Variants in ZNG1A observed in about 807,000 individuals in gnomAD.
The protein encoded by ZNG1A is zinc-regulated GTPase metalloprotein activator 1A.
the ZNG1A span, among the ~76,000 whole-genome samples, chr9:170,505 G>C: frequency 2.0e-4 from 30 of 150,944 alleles, 1 homozygote; most frequent in Admixed American, 1.6e-3. Context: ...TCCTGCCTTA[G>C]CCTCCTGAGT....
At chr9:163,980 T>C in the ZNG1A span, 1 of 1,595,638 alleles carries the variant, frequency 6.3e-7, no homozygotes, top group East Asian at 2.2e-5. Flanking sequence ...TAACTTACCA[T>C]CAAGATAAAT....
chr9:155,085 C>A, the ZNG1A span, among the ~76,000 whole-genome samples: 1 of 151,436 alleles, frequency 6.6e-6, no homozygotes, highest in Non-Finnish European at 1.5e-5. Context: ...TCTTGTGCTA[C>A]AAAGATAAGT....
At chr9:162,582 A>T in the ZNG1A span, 5 of 919,624 alleles carry the variant, frequency 5.4e-6, no homozygotes, top group African/African-American at 1.8e-5. Flanking sequence ...CACAAATACT[A>T]CTCAATAAAA....
the ZNG1A span, among the ~76,000 whole-genome samples, chr9:173,742 A>C: frequency 6.6e-6 from 1 of 151,992 alleles, no homozygotes; most frequent in East Asian, 1.9e-4. Flanking sequence ...ATGCCCTTCA[A>C]CCTCTTAAGA....
At chr9:146,176 A>C in the ZNG1A span, 1 of 1,578,502 alleles carries the variant, frequency 6.3e-7, no homozygotes, top group South Asian at 1.1e-5. Context: ...GAAGAAAACT[A>C]ACGTGAGCAG....
At chr9:158,511 A>G in the ZNG1A span, among the ~76,000 whole-genome samples, 2 of 150,486 alleles carry the variant, frequency 1.3e-5, no homozygotes, top group Admixed American at 6.6e-5. Flanking sequence ...CATAAAAATG[A>G]TATGACAGAA....
chr9:174,863 T>C, the ZNG1A span, among the ~76,000 whole-genome samples: 47 of 150,700 alleles, frequency 3.1e-4, no homozygotes, highest in African/African-American at 1.1e-3. Context: ...TGACTACAGT[T>C]TAATATTTCA....
the ZNG1A span, among the ~76,000 whole-genome samples, chr9:158,852 G>C: frequency 2.6e-5 from 4 of 152,044 alleles, no homozygotes; most frequent in Admixed American, 2.0e-4. Flanking sequence ...TAAAAAATAA[G>C]TGCATATTAA....
At chr9:159,093 T>G in the ZNG1A span, among the ~76,000 whole-genome samples, 5 of 150,346 alleles carry the variant, frequency 3.3e-5, no homozygotes, top group African/African-American at 1.2e-4. Flanking sequence ...GAAGAAAAAA[T>G]TTTTGCAAAA....
the ZNG1A span, among the ~76,000 whole-genome samples, chr9:158,666 C>T: frequency 1.3e-5 from 2 of 150,576 alleles, no homozygotes; most frequent in African/African-American, 2.5e-5. Flanking sequence ...GGTAGACTAA[C>T]GTTTTACTAC....
chr9:136,918 T>G, the ZNG1A span, among the ~76,000 whole-genome samples: 1 of 150,284 alleles, frequency 6.7e-6, no homozygotes. Flanking sequence ...GGTGCAAGCC[T>G]GTAGTCCCAG....
At chr9:141,960 G>C in the ZNG1A span, among the ~76,000 whole-genome samples, 1 of 149,800 alleles carries the variant, frequency 6.7e-6, no homozygotes, top group Non-Finnish European at 1.5e-5. Flanking sequence ...ATTACATAAT[G>C]GTAAAGGGAT....
At chr9:161,092 T>C in the ZNG1A span, among the ~76,000 whole-genome samples, 1 of 151,922 alleles carries the variant, frequency 6.6e-6, no homozygotes, top group Non-Finnish European at 1.5e-5. Context: ...TGAAGAGGTA[T>C]TGGTAGCTAT....
At chr9:175,189 C>T in the ZNG1A span, among the ~76,000 whole-genome samples, 2 of 152,138 alleles carry the variant, frequency 1.3e-5, no homozygotes, top group African/African-American at 2.4e-5. Context: ...ACCATCCTGG[C>T]CAACATGGCG....
At chr9:172,400 T>G in the ZNG1A span, 1 of 434,780 alleles carries the variant, frequency 2.3e-6, no homozygotes, top group Non-Finnish European at 4.1e-6. Flanking sequence ...ACATAATACT[T>G]TATCAAAATT....
chr9:177,627 G>T, the ZNG1A span: 1 of 1,506,202 alleles, frequency 6.6e-7, no homozygotes, highest in Non-Finnish European at 9.0e-7. Flanking sequence ...GTCAGGGATA[G>T]GAGTGAAACT....
chr9:172,335 T>A, the ZNG1A span: 1 of 784,076 alleles, frequency 1.3e-6, no homozygotes, highest in Non-Finnish European at 2.0e-6. Context: ...CGTCCCATAT[T>A]TACCAGTGAG....
the ZNG1A span, chr9:149,083 CA>C: frequency 6.7e-6 from 1 of 149,720 alleles, no homozygotes; most frequent in African/African-American, 2.5e-5. Context: ...ACTTCAAACT[CA>C]AAAACGCTTA....
chr9:150,608 C>G, the ZNG1A span: 316 of 983,784 alleles, frequency 3.2e-4, 2 homozygotes, highest in African/African-American at 5.3e-3. Flanking sequence ...TCAGAAAGTC[C>G]CTAGATTCTC....
Sources: allele counts gnomAD v4.1 joint callset (sites outside exome capture counted in the v4.1 genomes callset), GRCh38; gene constraint gnomAD v4.1.1; transcripts MANE v1.5; gene names NCBI Gene and HGNC (gene_info 2026-07-23, HGNC 2026-07-21).